The following NCKAP5 variants were observed in gnomAD, a reference collection of about 807,000 sequenced individuals.
NCKAP5 encodes the protein NCK associated protein 5.
In NCKAP5, 92 loss-of-function variants were observed where a neutral mutation model predicts 167.0. The observed-to-expected ratio is 0.55, with a 90% CI of 0.47 to 0.66. NCKAP5 has a LOEUF of 0.66. NCKAP5 is among the 30% of genes least tolerant of loss of function. The probability of loss-of-function intolerance (pLI) is 0.00; values close to 1 mark genes in which losing one functional copy is unlikely to be tolerated. For synonymous variants in NCKAP5, 891 were observed against 877.4 expected, an observed-to-expected ratio of 1.02 and a Z score of -0.27; for missense variants, 2,378 against 2,315.0, an observed-to-expected ratio of 1.03 and a Z score of -0.56.
chr2:133,586,751 T>TCACACACA, the NCKAP5 span, among the ~76,000 whole-genome samples: 480 of 141,012 alleles, frequency 3.4e-3, 1 homozygote, highest in African/African-American at 5.6e-3. Flanking sequence ...GACAGCAATA[T>TCACACACA]CACACACACA....
chr2:133,060,005 A>G (rs1432597630), intron 6 of NCKAP5, among the ~76,000 whole-genome samples: 1 of 152,142 alleles, frequency 6.6e-6, no homozygotes, highest in African/African-American at 2.4e-5. Context: ...CCTGGTGACT[A>G]ACATGATGAC....
intron 7 of NCKAP5, among the ~76,000 whole-genome samples, chr2:132,974,663 G>A (rs1244964094): frequency 2.6e-5 from 4 of 152,244 alleles, no homozygotes; most frequent in East Asian, 1.9e-4. Context: ...TATCCCTAAC[G>A]GTAGTAATTC....
intron 9 of NCKAP5, among the ~76,000 whole-genome samples, chr2:132,877,372 C>T (rs952951893): frequency 2.0e-5 from 3 of 152,178 alleles, no homozygotes; most frequent in Non-Finnish European, 4.4e-5. Flanking sequence ...TTTCTGAGGA[C>T]ATTTTGAGAG....
At chr2:132,941,360 G>C (rs375496970) in intron 8 of NCKAP5, among the ~76,000 whole-genome samples, 1 of 152,244 alleles carries the variant, frequency 6.6e-6, no homozygotes, top group African/African-American at 2.4e-5. Context: ...TACAGTTTTA[G>C]GCAGTGCCTA....
At chr2:133,199,615 T>C (rs896658794) in intron 5 of NCKAP5, among the ~76,000 whole-genome samples, 10 of 152,054 alleles carry the variant, frequency 6.6e-5, no homozygotes, top group African/African-American at 2.4e-4. Context: ...CATATATTTC[T>C]AGTGGAAATG....
intron 3 of NCKAP5, among the ~76,000 whole-genome samples, chr2:133,516,472 A>C (rs373779796): frequency 2.0e-5 from 3 of 152,216 alleles, no homozygotes; most frequent in East Asian, 3.9e-4. Flanking sequence ...GAAGAACTTG[A>C]CATAAATGCT....
intron 5 of NCKAP5, among the ~76,000 whole-genome samples, chr2:133,147,315 C>T (rs965557907): frequency 1.3e-5 from 2 of 152,046 alleles, no homozygotes; most frequent in Non-Finnish European, 2.9e-5. Flanking sequence ...TCACGGGCAC[C>T]GCATCTTGCG....
At chr2:133,073,164 A>T (rs1448261978) in intron 6 of NCKAP5, among the ~76,000 whole-genome samples, 1 of 152,200 alleles carries the variant, frequency 6.6e-6, no homozygotes, top group Non-Finnish European at 1.5e-5. Flanking sequence ...AAATCAAGGA[A>T]ATCCAATACT....
chr2:133,467,179 G>A (rs1237229136), intron 3 of NCKAP5, among the ~76,000 whole-genome samples: 16 of 151,092 alleles, frequency 1.1e-4, no homozygotes, highest in East Asian at 3.9e-4. Context: ...TTTGAAATAC[G>A]TCCCATCAAT....
At chr2:132,780,194 C>T (rs1328904530) in intron 15 of NCKAP5, among the ~76,000 whole-genome samples, 1 of 152,128 alleles carries the variant, frequency 6.6e-6, no homozygotes, top group Non-Finnish European at 1.5e-5. Context: ...CTCTGTCGCC[C>T]AGGCTGGAGT....
chr2:133,214,326 A>G (rs2086339047), intron 4 of NCKAP5, among the ~76,000 whole-genome samples: 1 of 152,162 alleles, frequency 6.6e-6, no homozygotes, highest in Non-Finnish European at 1.5e-5. Flanking sequence ...CATTTTATAG[A>G]TGAAGAAACT....
At chr2:133,467,661 G>A (rs962683916) in intron 3 of NCKAP5, among the ~76,000 whole-genome samples, 9 of 150,200 alleles carry the variant, frequency 6.0e-5, no homozygotes, top group East Asian at 2.0e-4. Context: ...TGGTTGGTAA[G>A]CTATTGATTA....
chr2:132,783,898 G>A lies in NCKAP5; in HGVS notation c.2913C>T (p.Ser971=), dbSNP rs868485596. 6.5e-7 allele frequency: 1 copy of A among 1,544,394 alleles called. No homozygotes were observed. The highest frequency in any genetic ancestry group is 8.7e-7 in the Non-Finnish European group (1 of 1,150,184). The change falls in exon 14 of 20, where the codon TCC becomes TCT. Residue 971 remains serine (S), a synonymous_variant. Transcript: ENST00000409261. ...GAGCAGAAATTCCTTTCAGCAGCGG[G>A]GATTTGAATGGGGTCCTTGCTGTTT... ...PSETARTPFK[S]PLLKGISAPV... is the part of the protein sequence containing the mutation.
rs559532520 is a variant in NCKAP5, at chr2:133,352,605, C to T, written c.70-49495G>A. Reference sequence around the variant, plus strand: ...GAAGGCTAAACAGACTTGACCCTGACATTAGACTTGCTGAGTGGCTGAGTG... The same window carrying T: ...GAAGGCTAAACAGACTTGACCCTGATATTAGACTTGCTGAGTGGCTGAGTG... On this transcript the variant is annotated intron_variant, in intron 3 of 19. Transcript: ENST00000409261. Among the ~76,000 whole-genome samples, 3 of 152,256 alleles carry T rather than the reference C, an allele frequency of 2.0e-5. No homozygotes were observed. The South Asian group carries it at 6.2e-4, about 32-fold the overall frequency.
At chr2:132,891,361 G>A (rs1223746749) in intron 8 of NCKAP5, among the ~76,000 whole-genome samples, 1 of 152,186 alleles carries the variant, frequency 6.6e-6, no homozygotes. Flanking sequence ...CACTTTGAGA[G>A]CTAGTGCTCA....
intron 3 of NCKAP5, among the ~76,000 whole-genome samples, chr2:133,400,811 T>G (rs917442567): frequency 1.3e-5 from 2 of 152,202 alleles, no homozygotes; most frequent in African/African-American, 4.8e-5. Context: ...AAATGCTGAT[T>G]TTTTTTCTTG....
intron 3 of NCKAP5, among the ~76,000 whole-genome samples, chr2:133,327,021 T>A (rs1282258362): frequency 6.6e-6 from 1 of 152,228 alleles, no homozygotes; most frequent in Non-Finnish European, 1.5e-5. Flanking sequence ...CTAACCGTAC[T>A]GATCATAAGT....
chr2:132,764,750 T>C (rs921649121), intron 16 of NCKAP5, among the ~76,000 whole-genome samples: 1 of 152,262 alleles, frequency 6.6e-6, no homozygotes, highest in Non-Finnish European at 1.5e-5. Flanking sequence ...TAGCTCTTCC[T>C]GCCTACAATT....
At chr2:132,813,776 G>A (rs1161054336) in intron 11 of NCKAP5, among the ~76,000 whole-genome samples, 1 of 151,986 alleles carries the variant, frequency 6.6e-6, no homozygotes, top group Non-Finnish European at 1.5e-5. Context: ...GTGTTTTGGA[G>A]AACCAAAAAA....
Sources: allele counts gnomAD v4.1 joint callset (sites outside exome capture counted in the v4.1 genomes callset), GRCh38; gene constraint gnomAD v4.1.1; transcripts MANE v1.5; gene names NCBI Gene and HGNC (gene_info 2026-07-23, HGNC 2026-07-21).